NAA15: variants seen among roughly 807,000 people sequenced by gnomAD.
NAA15 encodes N-alpha-acetyltransferase 15, NatA auxiliary subunit.
Under a neutral mutation model 114.0 loss-of-function variants are expected in NAA15, and 34 were observed. That is an observed-to-expected ratio of 0.30 (90% CI 0.23 to 0.40). The LOEUF (loss-of-function observed/expected upper bound fraction) is 0.40. Ranked by LOEUF, NAA15 falls within the 10% of genes least tolerant of loss-of-function variation. The probability of loss-of-function intolerance (pLI) is 1.00; values close to 1 mark genes in which losing one functional copy is unlikely to be tolerated. For synonymous variants in NAA15, 340 were observed against 338.0 expected (o/e 1.01, Z -0.06); for missense variants, 658 against 1,004.5 (o/e 0.66, Z 4.66).
intron 7 of NAA15, 121 bp downstream of exon 7, chr4:139,349,702 A>AGGC: frequency 9.4e-7 from 1 of 1,062,570 alleles, no homozygotes; most frequent in Non-Finnish European, 1.3e-6. Context: ...ATCTGAATAC[A>AGGC]GGCCAAGCGC....
intron 1 of NAA15, among the ~76,000 whole-genome samples, chr4:139,311,552 C>A (rs184095563): frequency 6.6e-6 from 1 of 151,944 alleles, no homozygotes; most frequent in East Asian, 1.9e-4. Flanking sequence ...GTTTATATAG[C>A]CTTTCATCAC....
In NAA15 at chr4:139,370,382, T is replaced by C; in HGVS notation, c.1925T>C (p.Leu642Pro). ...GAGATAGGAGGTCCAAAAGAAGAAC[T>C]TATTCCAGAGAAACTGGCCAAGGTA... Reference protein sequence around the residue: ...DEEIGGPKEELIPEKLAKVET... With the variant: ...DEEIGGPKEEPIPEKLAKVET... The change falls in exon 15 of 20, where the codon CTT (leucine) becomes CCT (proline). Residue 642 changes from leucine to proline, a missense_variant. Physicochemically the swap from Leu to Pro is moderately conservative, Grantham distance 98. Around this residue, in one of 6 missense-constraint regions of NAA15, gnomAD observed 275 missense variants for 371.1 expected, o/e 0.74. Coordinates refer to ENST00000296543, the MANE Select transcript of NAA15 (RefSeq NM_057175.5). 1 of 1,578,478 alleles carries C rather than the reference T, an allele frequency of 6.3e-7. No individual in the cohort carries two copies. Among genetic ancestry groups the C allele is most frequent in the Non-Finnish European group, 8.5e-7 (1 of 1,170,704 alleles).
At chr4:139,314,506 G>A (rs531953994) in intron 1 of NAA15, among the ~76,000 whole-genome samples, 8 of 152,010 alleles carry the variant, frequency 5.3e-5, no homozygotes, top group African/African-American at 1.9e-4. Context: ...GAGTTGTAGA[G>A]ATCATATATC....
intron 1 of NAA15, among the ~76,000 whole-genome samples, chr4:139,317,448 C>G (rs1746448954): frequency 6.6e-6 from 1 of 152,108 alleles, no homozygotes; most frequent in African/African-American, 2.4e-5. Flanking sequence ...ATGGTGAAAC[C>G]CGTCTCTACT....
At chr4:139,342,407 T>C (rs905455513) in intron 4 of NAA15, among the ~76,000 whole-genome samples, 3 of 152,138 alleles carry the variant, frequency 2.0e-5, no homozygotes, top group East Asian at 3.9e-4. Flanking sequence ...TATGGATGTT[T>C]GAAGTATTTT....
intron 9 of NAA15, among the ~76,000 whole-genome samples, chr4:139,353,186 A>G (rs1747836669): frequency 1.3e-5 from 2 of 152,204 alleles, no homozygotes. Context: ...AGTTTACACA[A>G]TACTGAATTC....
intron 1 of NAA15, among the ~76,000 whole-genome samples, chr4:139,312,621 A>G (rs183865315): frequency 6.6e-6 from 1 of 151,822 alleles, no homozygotes; most frequent in Non-Finnish European, 1.5e-5. Context: ...AATGTGGAAA[A>G]TCTCTTGAAG....
chr4:139,356,676 A>C (rs1396364084), intron 10 of NAA15: 2 of 152,198 alleles, frequency 1.3e-5, no homozygotes, highest in Non-Finnish European at 2.9e-5. Flanking sequence ...CTTTGAAAGC[A>C]CGTATCAGTT....
chr4:139,336,058 C>T (rs945034905), intron 2 of NAA15, among the ~76,000 whole-genome samples: 1 of 152,124 alleles, frequency 6.6e-6, no homozygotes. Flanking sequence ...TGTGCCTGGC[C>T]AAAAGTATTT....
intron 15 of NAA15, among the ~76,000 whole-genome samples, chr4:139,375,842 T>C (rs1748566194): frequency 6.7e-6 from 1 of 149,180 alleles, no homozygotes; most frequent in Non-Finnish European, 1.5e-5. Context: ...TAAATATTAA[T>C]ATTTTAAAAT....
At chr4:139,339,760 AAACAACAAC>A (rs542388720) in intron 3 of NAA15, among the ~76,000 whole-genome samples, 2 of 151,876 alleles carry the variant, frequency 1.3e-5, no homozygotes, top group African/African-American at 4.8e-5. Flanking sequence ...AAAAACAAAC[AAACAACAAC>A]AACAACAACA....
chr4:139,350,012 A>G (rs1261431440), intron 7 of NAA15, among the ~76,000 whole-genome samples: 1 of 152,110 alleles, frequency 6.6e-6, no homozygotes, highest in Non-Finnish European at 1.5e-5. Flanking sequence ...ATACAAAAGT[A>G]CATTTGCAAA....
chr4:139,311,961 A>G (rs1017373892), intron 1 of NAA15, among the ~76,000 whole-genome samples: 18 of 150,414 alleles, frequency 1.2e-4, no homozygotes, highest in African/African-American at 4.2e-4. Flanking sequence ...GCGAGACTCT[A>G]TCTCTTTAAA....
intron 6 of NAA15, among the ~76,000 whole-genome samples, chr4:139,345,362 G>A (rs1213006977): frequency 1.3e-5 from 2 of 152,192 alleles, no homozygotes; most frequent in African/African-American, 4.8e-5. Flanking sequence ...GAAAAAACTT[G>A]TCTCATTGGC....
At chr4:139,309,905 A>G (rs1746160033) in intron 1 of NAA15, among the ~76,000 whole-genome samples, 2 of 152,080 alleles carry the variant, frequency 1.3e-5, no homozygotes, top group Admixed American at 1.3e-4. Context: ...GTCCTGGGTC[A>G]TTATTGGGGC....
intron 14 of NAA15, among the ~76,000 whole-genome samples, chr4:139,367,633 C>T (rs1748319045): frequency 6.6e-6 from 1 of 152,130 alleles, no homozygotes; most frequent in Admixed American, 6.5e-5. Flanking sequence ...GAGAGCCTTT[C>T]TTCAGACTAA....
chr4:139,356,684 G>C (rs67128701), intron 10 of NAA15: 44 of 151,904 alleles, frequency 2.9e-4, no homozygotes, highest in African/African-American at 8.7e-4. Flanking sequence ...GCACGTATCA[G>C]TTCTCAGATT....
Position 139,344,256 on chromosome 4 carries a change from C to G in NAA15, c.608C>G (p.Ala203Gly). ...LLYQNQVLRE[A>G]GLYREALEHL... is the part of the protein sequence containing the mutation. ...TATCAGAATCAAGTTCTTCGGGAAG[C>G]AGGTCTCTATAGAGAAGCTTTGGAA... Residue 203 changes from alanine to glycine, a missense_variant, in exon 6 of 20, where the codon GCA becomes GGA. Physicochemically the swap from Ala to Gly is moderately conservative, Grantham distance 60. This residue lies in a region of NAA15 where 281 missense variants were observed against 389.1 expected (regional missense o/e 0.72). Transcript: ENST00000296543. The G allele has an allele frequency of 6.2e-7, 1 of 1,612,860 alleles. No individual in the cohort carries two copies. The highest frequency in any genetic ancestry group is 8.5e-7 in the Non-Finnish European group (1 of 1,179,210).
In NAA15 at chr4:139,341,593, C is replaced by CAAAAAAAAAA. The variant is rs751688160; in HGVS notation, c.402+541_402+550dup. On this transcript the variant is annotated intron_variant, in intron 4 of 19. Transcript: ENST00000296543. ...TGGGTAACAGAGCGAAACTCTGTCTCAAAAAAAAAAAAAAAAAAAAAAAAA... is the reference window on the plus strand; with the variant it reads ...TGGGTAACAGAGCGAAACTCTGTCTCAAAAAAAAAAAAAAAAAAAAAAAAAAAAAAAAAAA... 6.0e-3 allele frequency among the ~76,000 whole-genome samples: 87 copies of CAAAAAAAAAA among 14,426 alleles called. 6 individuals carry two copies. Among genetic ancestry groups the CAAAAAAAAAA allele is most frequent in the Non-Finnish European group, 0.01 (75 of 7,428 alleles). The allele number at this position is 14,426 out of a possible 152,430, so 9.5% of individuals were successfully genotyped here.
Sources: allele counts gnomAD v4.1 joint callset (sites outside exome capture counted in the v4.1 genomes callset), GRCh38; gene constraint gnomAD v4.1.1; regional missense constraint gnomAD v4.1.1; transcripts MANE v1.5; gene names NCBI Gene and HGNC (gene_info 2026-07-23, HGNC 2026-07-21).